The following DOCK4 variants were observed in gnomAD, a reference collection of about 807,000 sequenced individuals.
DOCK4 encodes the protein dedicator of cytokinesis 4.
Under a neutral mutation model 268.1 loss-of-function variants are expected in DOCK4, and 97 were observed. That is an observed-to-expected ratio of 0.36 (90% CI 0.31 to 0.43). The LOEUF is 0.43. Among genes scored for constraint, DOCK4 ranks in the 20% least tolerant of loss-of-function variants. DOCK4 has a pLI of 1.00. For missense variants in DOCK4, 2,145 were observed against 2,455.7 expected (o/e 0.87, Z 2.67); for synonymous variants, 954 against 887.2 (o/e 1.08, Z -1.34).
chr7:112,179,361 G>A (rs919520892), intron 1 of DOCK4, among the ~76,000 whole-genome samples: 8 of 130,264 alleles, frequency 6.1e-5, no homozygotes, highest in African/African-American at 2.4e-4. Flanking sequence ...ACTCCAGCCT[G>A]GGAAACAGGG....
chr7:111,970,548 C>G (rs1335809756), intron 8 of DOCK4, among the ~76,000 whole-genome samples: 1 of 152,048 alleles, frequency 6.6e-6, no homozygotes, highest in Non-Finnish European at 1.5e-5. Flanking sequence ...CCAGTAATAC[C>G]CTTGAGGGCT....
At chr7:112,130,261 A>G (rs1813683116) in intron 1 of DOCK4, among the ~76,000 whole-genome samples, 1 of 152,130 alleles carries the variant, frequency 6.6e-6, no homozygotes, top group South Asian at 2.1e-4. Context: ...AGCCAATATG[A>G]GCCTGGAATG....
intron 1 of DOCK4, among the ~76,000 whole-genome samples, chr7:112,100,604 C>G (rs1258647831): frequency 1.3e-5 from 2 of 152,212 alleles, no homozygotes; most frequent in Non-Finnish European, 2.9e-5. Flanking sequence ...TGGCGACGTA[C>G]TTTGAGTAGC....
chr7:112,021,612 G>A (rs1216414904), intron 1 of DOCK4, among the ~76,000 whole-genome samples: 1 of 152,198 alleles, frequency 6.6e-6, no homozygotes, highest in Admixed American at 6.5e-5. Context: ...ATCCAAAAAG[G>A]ATCCCATCAT....
At chr7:112,055,434 G>A (rs979406811) in intron 1 of DOCK4, among the ~76,000 whole-genome samples, 3 of 152,162 alleles carry the variant, frequency 2.0e-5, no homozygotes, top group African/African-American at 4.8e-5. Context: ...GATATGGAAA[G>A]AAAGGGGAAT....
chr7:112,056,158 A>G (rs1359986461), intron 1 of DOCK4, among the ~76,000 whole-genome samples: 1 of 152,116 alleles, frequency 6.6e-6, no homozygotes, highest in Non-Finnish European at 1.5e-5. Context: ...TCAGCTCTAC[A>G]ACCCCCTTTC....
At chr7:111,890,059 A>G (rs1161414229) in intron 16 of DOCK4, among the ~76,000 whole-genome samples, 1 of 152,124 alleles carries the variant, frequency 6.6e-6, no homozygotes, top group Non-Finnish European at 1.5e-5. Flanking sequence ...CAGTGACTAA[A>G]ACTCCTCCAT....
At chr7:112,112,091 G>A (rs1293401159) in intron 1 of DOCK4, among the ~76,000 whole-genome samples, 1 of 152,110 alleles carries the variant, frequency 6.6e-6, no homozygotes, top group Non-Finnish European at 1.5e-5. Flanking sequence ...ATATGATTTG[G>A]ATGTGTGTCC....
intron 7 of DOCK4, among the ~76,000 whole-genome samples, chr7:111,978,798 A>G (rs1452880852): frequency 6.6e-6 from 1 of 152,226 alleles, no homozygotes; most frequent in Non-Finnish European, 1.5e-5. Flanking sequence ...TGTCATTTGT[A>G]TAGTTGGACC....
intron 15 of DOCK4, among the ~76,000 whole-genome samples, chr7:111,898,262 T>C (rs937296335): frequency 1.3e-5 from 2 of 152,260 alleles, no homozygotes; most frequent in African/African-American, 4.8e-5. Context: ...AAGCCTTTTG[T>C]ACTGTCCTCT....
chr7:112,168,024 T>C (rs79456120), intron 1 of DOCK4, among the ~76,000 whole-genome samples: 4 of 152,180 alleles, frequency 2.6e-5, no homozygotes, highest in South Asian at 2.1e-4. Flanking sequence ...TTTGGAATCA[T>C]TGAATCTACC....
At chr7:111,840,691 G>A in intron 25 of DOCK4, 1 of 689,766 alleles carries the variant, frequency 1.4e-6, no homozygotes, top group Non-Finnish European at 2.0e-6. Context: ...GGGAGGCTGG[G>A]TAACAATCAT....
intron 15 of DOCK4, among the ~76,000 whole-genome samples, chr7:111,899,824 T>A (rs1387609461): frequency 6.6e-6 from 1 of 152,210 alleles, no homozygotes; most frequent in Non-Finnish European, 1.5e-5. Flanking sequence ...CTCAGGAGGC[T>A]GAGACAGGAG....
intron 12 of DOCK4, among the ~76,000 whole-genome samples, chr7:111,917,021 C>T (rs996857445): frequency 7.2e-6 from 1 of 139,444 alleles, no homozygotes; most frequent in African/African-American, 2.7e-5. Flanking sequence ...CGGAGTCACG[C>T]TCTGTTCCCA....
At chr7:111,946,469 C>T (rs79308585) in intron 8 of DOCK4, among the ~76,000 whole-genome samples, 15,917 of 152,112 alleles carry the variant, frequency 0.1, 1,120 homozygotes, top group East Asian at 0.37. Flanking sequence ...AAACCTCTCA[C>T]CTATATAACC....
intron 1 of DOCK4, among the ~76,000 whole-genome samples, chr7:112,100,984 C>CACT (rs992855092): frequency 1.6e-4 from 25 of 152,214 alleles, no homozygotes; most frequent in African/African-American, 5.8e-4. Context: ...GAACAGCCAA[C>CACT]ACTGAGAAGT....
chr7:111,926,098 AAGAG>A (rs1292727994), intron 12 of DOCK4, among the ~76,000 whole-genome samples: 4 of 141,450 alleles, frequency 2.8e-5, no homozygotes, highest in Non-Finnish European at 6.0e-5. Context: ...AGAAAAAAGA[AAGAG>A]AGAGAGAGAG....
chr7:112,161,258 T>C (rs1442320810), intron 1 of DOCK4, among the ~76,000 whole-genome samples: 1 of 152,230 alleles, frequency 6.6e-6, no homozygotes. Context: ...GGACTTGTTT[T>C]AAAACTTGCT....
chr7:111,905,772 A>C lies in DOCK4; in HGVS notation c.1193-3971T>G, dbSNP rs573449658. Among the ~76,000 whole-genome samples, 10 of 152,138 alleles carry C rather than the reference A, an allele frequency of 6.6e-5. 2 individuals carry two copies. Among genetic ancestry groups the C allele is most frequent in the African/African-American group, 2.4e-4 (10 of 41,502 alleles). On this transcript the variant is annotated intron_variant, in intron 13 of 52. Coordinates refer to ENST00000428084, the MANE Select transcript of DOCK4 (RefSeq NM_001363540.2). ...ATATTTGTTAAGAGTTATGGAACCA[A>C]ATAAAATTTCCTGTCCTTTAGTTTT... is the stretch of plus-strand genomic sequence containing the variant.
Sources: gnomAD v4.1 joint callset for allele counts (sites outside exome capture counted in the v4.1 genomes callset) on GRCh38, gnomAD v4.1.1 for gene constraint, MANE v1.5 for transcripts, NCBI Gene and HGNC (gene_info 2026-07-23, HGNC 2026-07-21) for gene names.